Variants in MYL5 observed in about 807,000 individuals in gnomAD.
The protein encoded by MYL5 is myosin regulatory light chain 5.
In MYL5, 28 loss-of-function variants were observed where a neutral mutation model predicts 20.8. That is an observed-to-expected ratio of 1.35 (90% CI 1.00 to 1.84). MYL5 has a LOEUF of 1.84. MYL5 is among the 40% of genes most tolerant of loss of function. MYL5 has a pLI of 0.00. For synonymous variants in MYL5, 118 were observed against 87.4 expected (o/e 1.35, Z -1.95); for missense variants, 274 against 227.3 (o/e 1.21, Z -1.32).
upstream of MYL5, among the ~76,000 whole-genome samples, chr4:677,476 C>T (rs1738961885): frequency 6.6e-6 from 1 of 152,224 alleles, no homozygotes. Context: ...AGGCAAGGAG[C>T]TCCCAGCCAT....
At chr4:682,015 C>A in exon 7 of MYL5, 1 of 1,427,708 alleles carries the variant, frequency 7.0e-7, no homozygotes, top group South Asian at 1.5e-5. Context: ...GGTCAATAAA[C>A]CTGGACGCTT....
upstream of MYL5, chr4:677,807 A>C: frequency 1.5e-6 from 1 of 675,708 alleles, no homozygotes; most frequent in Non-Finnish European, 2.6e-6. Flanking sequence ...GTATCTGGGG[A>C]GGCTGGGGGC....
At chr4:680,079 A>G in intron 4 of MYL5, 61 bp downstream of exon 6, 1 of 1,376,008 alleles carries the variant, frequency 7.3e-7, no homozygotes, top group Non-Finnish European at 1.0e-6. Flanking sequence ...AGAGATCCGG[A>G]CATTTCACGT....
At chr4:677,929 C>T in exon 1 of MYL5, 2 of 1,602,562 alleles carry the variant, frequency 1.2e-6, no homozygotes, top group South Asian at 1.1e-5. Context: ...TAGGGAGTGG[C>T]AGCCGGAGTC....
At chr4:676,757 A>T, upstream of MYL5, 1 of 343,414 alleles carries the variant, frequency 2.9e-6, no homozygotes, top group Non-Finnish European at 4.1e-6. Flanking sequence ...ACCCCACTGG[A>T]CTGGCAGCAG....
chr4:679,907 G>A lies in MYL5; in HGVS notation c.188-7G>A, dbSNP rs774535772. On this transcript the variant is annotated splice_region_variant and splice_polypyrimidine_tract_variant and intron_variant, in intron 3 of 6. Transcript: ENST00000400159. ...CCTGCCCTGTGATGCCCCCATGTCT[G>A]TAACAGGCAAGACCAACGTCAAGGA... 6 of 1,613,308 alleles carry A rather than the reference G, an allele frequency of 3.7e-6. No homozygotes were observed. The Admixed American group carries it at 5.0e-5, about 13-fold the overall frequency.
upstream of MYL5, chr4:675,663 G>C (rs985115614): frequency 6.6e-6 from 1 of 152,532 alleles, no homozygotes; most frequent in Non-Finnish European, 1.5e-5. Context: ...AGTCCTATAG[G>C]GCAGGGGTCC....
Position 680,555 on chromosome 4 carries a change from C to T in MYL5, c.339C>T (p.Asp113=), listed in dbSNP as rs751957458. The change falls in exon 5 of 7, where the codon GAC becomes GAT. Residue 113 remains aspartate, a synonymous_variant. Transcript: ENST00000400159. ...TTCTTAACGCCTTCAAGATGCTGGA[C>T]CCGGACGGGAAAGGGAAAATCAACA... is the stretch of plus-strand genomic sequence containing the variant. 5 of 1,613,530 alleles carry T rather than the reference C, an allele frequency of 3.1e-6. No homozygotes were observed. In the East Asian group the frequency reaches 6.7e-5, roughly 22 times the overall value.
At chr4:676,914 T>C, upstream of MYL5, 2 of 985,360 alleles carry the variant, frequency 2.0e-6, no homozygotes, top group Non-Finnish European at 2.4e-6. Flanking sequence ...CCGCTGGACC[T>C]GGGGATGGCA....
At chr4:678,467 C>T in intron 1 of MYL5, 191 bp from the exon 4 acceptor site, 1 of 1,432,400 alleles carries the variant, frequency 7.0e-7, no homozygotes, top group South Asian at 1.5e-5. Context: ...AAGCCAGACA[C>T]CTGCAGCCGT....
rs747165832 is a variant in MYL5 at position 682,008 on chromosome 4, C to G, written c.*14C>G. 8.4e-6 allele frequency: 12 copies of G among 1,425,704 alleles called. No individual in the cohort carries two copies. The highest frequency in any genetic ancestry group is 6.0e-5 in the South Asian group (4 of 66,980). 88.3% of individuals were successfully genotyped at this position (1,425,704 alleles called of 1,614,324 possible). On this transcript the variant is annotated 3_prime_UTR_variant, in exon 7 of 7. Transcript: ENST00000400159. ...AAGGAGGAGTGAGACCCAGCCGGGT[C>G]AATAAACCTGGACGCTTGGACCCTG...
At chr4:680,663 T>C (rs891688583) in intron 5 of MYL5, 76 bp downstream of exon 7, 8 of 1,468,092 alleles carry the variant, frequency 5.4e-6, no homozygotes, top group Non-Finnish European at 7.5e-6. Flanking sequence ...AAAGGGACAG[T>C]CAGCCACCAG....
At chr4:679,607 G>C (rs537573164) in intron 3 of MYL5, among the ~76,000 whole-genome samples, 1 of 152,140 alleles carries the variant, frequency 6.6e-6, no homozygotes, top group East Asian at 1.9e-4. Flanking sequence ...TGGGAGGGTC[G>C]CAAGTGACCC....
chr4:679,206 A>G, intron 3 of MYL5, 173 bp downstream of exon 5: 2 of 732,528 alleles, frequency 2.7e-6, no homozygotes, highest in Non-Finnish European at 4.9e-6. Context: ...GTTCCATCAG[A>G]GCTGGCAGAG....
upstream of MYL5, among the ~76,000 whole-genome samples, chr4:677,684 G>A (rs1469714130): frequency 3.3e-5 from 5 of 152,192 alleles, no homozygotes; most frequent in East Asian, 9.6e-4. Context: ...AGGGTGCCCA[G>A]GCCCCCAGCC....
At chr4:677,040 GC>G, upstream of MYL5, 1 of 525,886 alleles carries the variant, frequency 1.9e-6, no homozygotes, top group Non-Finnish European at 2.4e-6. Flanking sequence ...ACACGGTGGC[GC>G]CCCCAGGGAT....
At chr4:681,256 A>G (rs1368599822) in intron 6 of MYL5, 116 bp downstream of exon 8, 4 of 1,254,832 alleles carry the variant, frequency 3.2e-6, no homozygotes, top group Non-Finnish European at 2.2e-6. Flanking sequence ...GACCCAGGAC[A>G]GAACAGGCCC....
chr4:678,377 T>C, intron 1 of MYL5: 1 of 1,413,762 alleles, frequency 7.1e-7, no homozygotes, highest in Non-Finnish European at 9.2e-7. Flanking sequence ...CCAAGCTGGC[T>C]CCTGCTGGAC....
chr4:679,927 C>G (rs761861962), exon 4 of MYL5: 1 of 1,613,738 alleles, frequency 6.2e-7, no homozygotes, highest in South Asian at 1.1e-5. Context: ...AGACCAACGT[C>G]AAGGACGACG....
Sources: allele counts gnomAD v4.1 joint callset (sites outside exome capture counted in the v4.1 genomes callset), GRCh38; gene constraint gnomAD v4.1.1; transcripts MANE v1.5; gene names NCBI Gene and HGNC (gene_info 2026-07-23, HGNC 2026-07-21).